Variants in DHX9 observed in about 807,000 individuals in gnomAD.
DHX9 encodes the protein DExH-box helicase 9, also known as ATP-dependent RNA helicase A.
A neutral mutation model predicts 148.7 loss-of-function variants in DHX9; 27 were observed. The ratio of observed to expected loss-of-function variants is 0.18; its 90% CI spans 0.13 to 0.25. The LOEUF (loss-of-function observed/expected upper bound fraction) is 0.25. DHX9 is among the 10% of genes least tolerant of loss of function. DHX9 has a pLI of 1.00. For missense variants in DHX9, 796 were observed against 1,559.6 expected (o/e 0.51, Z 8.25); for synonymous variants, 529 against 516.6 (o/e 1.02, Z -0.33).
intron 11 of DHX9, among the ~76,000 whole-genome samples, chr1:182,859,391 C>CG (rs1333173658): frequency 6.6e-6 from 1 of 151,858 alleles, no homozygotes; most frequent in Non-Finnish European, 1.5e-5. Context: ...TAGTGTTTTC[C>CG]AAATAAAAAA....
intron 7 of DHX9, among the ~76,000 whole-genome samples, chr1:182,857,203 A>T (rs1054643360): frequency 1.3e-5 from 2 of 152,150 alleles, no homozygotes; most frequent in African/African-American, 4.8e-5. Flanking sequence ...GATGGATAAT[A>T]CTAAGGGAGA....
intron 16 of DHX9, chr1:182,875,256 A>C (rs1648707563): frequency 2.2e-6 from 1 of 458,724 alleles, no homozygotes; most frequent in African/African-American, 2.0e-5. Flanking sequence ...AGGTTTTGCT[A>C]CTCAAAGTTT....
intron 12 of DHX9, among the ~76,000 whole-genome samples, chr1:182,862,582 G>A (rs756800937): frequency 1.3e-5 from 2 of 152,234 alleles, no homozygotes; most frequent in African/African-American, 2.4e-5. Context: ...CAGAACCTTA[G>A]AAGATAGAGA....
chr1:182,862,790 G>A (rs1668386105), intron 12 of DHX9, among the ~76,000 whole-genome samples: 1 of 152,162 alleles, frequency 6.6e-6, no homozygotes, highest in Non-Finnish European at 1.5e-5. Flanking sequence ...TTAAAGGTAT[G>A]GATTCTAGAA....
At chr1:182,869,626 C>G (rs1391200170) in intron 14 of DHX9, among the ~76,000 whole-genome samples, 1 of 152,150 alleles carries the variant, frequency 6.6e-6, no homozygotes, top group Non-Finnish European at 1.5e-5. Context: ...CCAGTCCAGT[C>G]TTGTCTTGGA....
Position 182,859,134 on chromosome 1 carries a change from T to C in DHX9, c.1140+17T>C. 6.2e-7 allele frequency: 1 copy of C among 1,602,256 alleles called. No individual in the cohort carries two copies. The highest frequency in any genetic ancestry group is 8.6e-7 in the Non-Finnish European group (1 of 1,169,444). On this transcript the variant is annotated intron_variant, in intron 11 of 27. Coordinates refer to ENST00000367549, the MANE Select transcript of DHX9 (RefSeq NM_001357.5). ...TTGCAAGCAGTAAGTCTGAATTATT[T>C]AGACAAGTAGTGCTCAGAGCTTCAG... is the stretch of plus-strand genomic sequence containing the variant.
At chr1:182,842,453 A>C (rs965662416) in intron 1 of DHX9, 92 bp from the exon 2 acceptor site, 1 of 658,074 alleles carries the variant, frequency 1.5e-6, no homozygotes, top group Non-Finnish European at 2.6e-6. Flanking sequence ...AGAATATCCT[A>C]TGTTTAACCC....
At position 182,877,932 on chromosome 1, in the gene DHX9, A is replaced by G. The variant is rs552867788; in HGVS notation, c.2199-89A>G. Reference sequence around the variant, plus strand: ...CACAAGTAGGTATGGCTTTAACTACATAGTGGAAAGCATTCACTACTTAGT... The same window carrying G: ...CACAAGTAGGTATGGCTTTAACTACGTAGTGGAAAGCATTCACTACTTAGT... On this transcript the variant is annotated intron_variant, in intron 19 of 27. Coordinates refer to ENST00000367549, the MANE Select transcript of DHX9 (RefSeq NM_001357.5). 2.4e-4 allele frequency: 337 copies of G among 1,421,380 alleles called. 4 individuals are homozygous for G. In the East Asian group the frequency reaches 7.9e-3, roughly 33 times the overall value. The allele number at this position is 1,421,380 out of a possible 1,614,324, so 88.0% of individuals were successfully genotyped here. A position where few individuals can be genotyped will look rare whatever the true frequency, so the allele number is the denominator to read the frequency against.
At chr1:182,881,718 G>C in intron 24 of DHX9, 71 bp downstream of exon 24, 1 of 1,468,642 alleles carries the variant, frequency 6.8e-7, no homozygotes, top group Non-Finnish European at 9.1e-7. Flanking sequence ...TGACAGCAAA[G>C]TGTATTTTAG....
At position 182,852,302 on chromosome 1, in the gene DHX9, A is replaced by G; in HGVS notation, c.322A>G (p.Thr108Ala). 6.2e-7 allele frequency: 1 copy of G among 1,613,122 alleles called. No homozygotes were observed. Among genetic ancestry groups the G allele is most frequent in the South Asian group, 1.1e-5 (1 of 90,936 alleles). ...TANAEGDLPT[T>A]MGGPLPPHLA... Reference sequence around the variant, plus strand: ...AAATGCTGAAGGAGATTTACCAACAACCATGGGAGGACCTCTTCCTCCACA... The same window carrying G: ...AAATGCTGAAGGAGATTTACCAACAGCCATGGGAGGACCTCTTCCTCCACA... The change falls in exon 4 of 28, where the codon ACC becomes GCC. Residue 108 changes from threonine to alanine, a missense_variant. Thr to Ala is a moderately conservative substitution (Grantham distance 58, BLOSUM62 0). This residue lies in a region of DHX9 where 89 missense variants were observed against 77.5 expected (regional missense o/e 1.15). Transcript: ENST00000367549.
chr1:182,842,516 C>A (rs1667951053), intron 1 of DHX9, 29 bp from the exon 2 acceptor site: 1 of 1,361,440 alleles, frequency 7.3e-7, no homozygotes. Flanking sequence ...ATTATAAATG[C>A]TGTTTTTAAC....
chr1:182,853,740 C>G (rs981096699), intron 5 of DHX9, among the ~76,000 whole-genome samples: 1 of 151,532 alleles, frequency 6.6e-6, no homozygotes, highest in Non-Finnish European at 1.5e-5. Flanking sequence ...TTTAGTATAG[C>G]TTATTTTTCC....
chr1:182,850,834 T>C (rs1348203013), intron 3 of DHX9, among the ~76,000 whole-genome samples: 1 of 152,202 alleles, frequency 6.6e-6, no homozygotes, highest in South Asian at 2.1e-4. Flanking sequence ...TGTGACACTT[T>C]CAATACTCTT....
chr1:182,876,007 GTAAC>G (rs751178968), intron 16 of DHX9, 39 bp from the exon 17 acceptor site: 1 of 1,516,448 alleles, frequency 6.6e-7, no homozygotes, highest in Admixed American at 1.7e-5. Context: ...TACCTCATGA[GTAAC>G]TGAGACAATC....
chr1:182,881,253 G>C lies in DHX9; in HGVS notation c.2625-11G>C. 3 of 1,610,544 alleles carry C rather than the reference G, an allele frequency of 1.9e-6. No individual in the cohort carries two copies. Among genetic ancestry groups the C allele is most frequent in the African/African-American group, 1.3e-5 (1 of 74,844 alleles). On this transcript the variant is annotated splice_polypyrimidine_tract_variant and intron_variant, in intron 22 of 27. Transcript: ENST00000367549. ...ATCTAGTCTGGATTTAACTGTCTTT[G>C]TGTATTTCAGCGTGGGAGATGCTAT...
At chr1:182,839,992 A>T (rs1008428760) in intron 1 of DHX9, 2 of 152,422 alleles carry the variant, frequency 1.3e-5, no homozygotes, top group Non-Finnish European at 2.9e-5. Context: ...AACGCGAAGG[A>T]AAAGCAGAGC....
intron 3 of DHX9, among the ~76,000 whole-genome samples, chr1:182,850,183 A>C (rs2102593338): frequency 6.6e-6 from 1 of 152,248 alleles, no homozygotes; most frequent in East Asian, 1.9e-4. Context: ...CATACATAAT[A>C]CTACTCCAAG....
intron 14 of DHX9, among the ~76,000 whole-genome samples, chr1:182,867,488 C>T (rs547880197): frequency 1.3e-5 from 2 of 152,106 alleles, no homozygotes; most frequent in South Asian, 2.1e-4. Context: ...CAGCAACCTC[C>T]GCCTCCCGCT....
chr1:182,880,746 A>T (rs946996721), intron 22 of DHX9, 138 bp downstream of exon 22: 1 of 613,186 alleles, frequency 1.6e-6, no homozygotes, highest in Non-Finnish European at 2.9e-6. Flanking sequence ...ATACCTAGAT[A>T]TTGAGAGCAG....
Sources: gnomAD v4.1 joint callset for allele counts (sites outside exome capture counted in the v4.1 genomes callset) on GRCh38, gnomAD v4.1.1 for gene constraint, gnomAD v4.1.1 regional missense constraint, MANE v1.5 for transcripts, NCBI Gene and HGNC (gene_info 2026-07-23, HGNC 2026-07-21) for gene names.